STK17A: variants seen among roughly 807,000 people sequenced by gnomAD.
STK17A encodes the protein serine/threonine kinase 17a.
Under a neutral mutation model 43.7 loss-of-function variants are expected in STK17A, and 26 were observed. That is an observed-to-expected ratio of 0.60 (90% CI 0.44 to 0.83). The LOEUF (loss-of-function observed/expected upper bound fraction) is 0.83. Ranked by LOEUF, STK17A falls within the 40% of genes least tolerant of loss-of-function variation. The pLI, the probability that STK17A is intolerant of heterozygous loss-of-function variation, is 0.00. For synonymous variants in STK17A, 191 were observed against 182.5 expected, an observed-to-expected ratio of 1.05 and a Z score of -0.38; for missense variants, 476 against 511.6, an observed-to-expected ratio of 0.93 and a Z score of 0.67.
In STK17A at chr7:43,624,784, A is replaced by G. The variant is rs1314364327; in HGVS notation, c.1187A>G (p.Lys396Arg). 6.2e-7 allele frequency: 1 copy of G among 1,611,922 alleles called. No individual in the cohort carries two copies. The stretch of plus-strand genomic sequence containing the variant: ...AAAATGGAGCAAAAGGCCATTTCCA[A>G]ACGATTTAAATTTGAGGAACCTTTG... ...KEKMEQKAIS[K>R]RFKFEEPLLQ... The change falls in exon 7 of 7, where the codon AAA becomes AGA. Residue 396 changes from lysine (K) to arginine (R), a missense_variant. Transcript: ENST00000319357.
chr7:43,625,053 A>G lies in STK17A; in HGVS notation c.*211A>G, dbSNP rs1319422767. On this transcript the variant is annotated 3_prime_UTR_variant, in exon 7 of 7. Transcript: ENST00000319357. ...TTTAACAGGTACAGTTACCCGTTTC[A>G]ATGTTATTTTTAAGAAGGGAGATGT... The G allele has an allele frequency of 2.6e-6, 1 of 380,494 alleles. No individual in the cohort carries two copies. Among genetic ancestry groups the G allele is most frequent in the African/African-American group, 2.1e-5 (1 of 48,124 alleles). 23.6% of individuals were successfully genotyped at this position (380,494 alleles called of 1,614,324 possible).
chr7:43,584,048 C>T (rs567393945), intron 1 of STK17A, among the ~76,000 whole-genome samples: 2 of 152,230 alleles, frequency 1.3e-5, no homozygotes, highest in East Asian at 3.9e-4. Context: ...TTCGTGGGCG[C>T]TTGGCCCTTT....
intron 2 of STK17A, among the ~76,000 whole-genome samples, chr7:43,607,927 A>G (rs1289115415): frequency 6.6e-6 from 1 of 152,166 alleles, no homozygotes; most frequent in East Asian, 1.9e-4. Flanking sequence ...ATCTTGAGCT[A>G]CTTGGAACTG....
intron 4 of STK17A, among the ~76,000 whole-genome samples, chr7:43,621,475 T>C (rs901250339): frequency 1.3e-5 from 2 of 152,198 alleles, no homozygotes; most frequent in African/African-American, 2.4e-5. Flanking sequence ...TGTTTTGTTT[T>C]AATGCTTTCT....
At chr7:43,589,910 AT>A (rs1325767577) in intron 1 of STK17A, among the ~76,000 whole-genome samples, 1 of 147,566 alleles carries the variant, frequency 6.8e-6, no homozygotes, top group East Asian at 1.9e-4. Context: ...TTATAATTTT[AT>A]TTTAATTTTA....
intron 3 of STK17A, among the ~76,000 whole-genome samples, chr7:43,611,165 T>C (rs1346399055): frequency 3.9e-5 from 6 of 152,236 alleles, no homozygotes; most frequent in Non-Finnish European, 7.3e-5. Context: ...GGTTGACTTC[T>C]ACAGCAAACT....
chr7:43,593,654 AT>A (rs2082494231), intron 1 of STK17A, among the ~76,000 whole-genome samples: 1 of 150,328 alleles, frequency 6.7e-6, no homozygotes, highest in Admixed American at 6.6e-5. Context: ...ACATTTTTTA[AT>A]GTGTTTGTTT....
At chr7:43,585,915 T>A (rs773450725) in intron 1 of STK17A, among the ~76,000 whole-genome samples, 11 of 151,622 alleles carry the variant, frequency 7.3e-5, no homozygotes, top group Non-Finnish European at 1.5e-4. Flanking sequence ...AGTAATGAAG[T>A]CACAGGAACT....
At chr7:43,606,051 T>C (rs1211234568) in intron 2 of STK17A, among the ~76,000 whole-genome samples, 8 of 152,034 alleles carry the variant, frequency 5.3e-5, no homozygotes. Flanking sequence ...AATTAATTGC[T>C]CAATTGCTAA....
intron 3 of STK17A, among the ~76,000 whole-genome samples, chr7:43,610,434 G>C (rs1368130483): frequency 1.3e-5 from 2 of 150,626 alleles, no homozygotes; most frequent in African/African-American, 4.9e-5. Context: ...GGGAGGCCGA[G>C]CCAGGCAGAT....
In STK17A at chr7:43,615,709, C is replaced by T. The variant is rs139756659; in HGVS notation, c.565-3888C>T. Among the ~76,000 whole-genome samples the T allele has an allele frequency of 8.7e-4, 133 of 152,260 alleles. 1 individual carries two copies. In the East Asian group the frequency reaches 0.021, roughly 25 times the overall value. On this transcript the variant is annotated intron_variant, in intron 3 of 6. Coordinates refer to ENST00000319357, the MANE Select transcript of STK17A (RefSeq NM_004760.3). ...AACCTCATGCCTCCCACCACTCGTA[C>T]CCCTTTTGCCTTGTGCTGTCGTCCA... is the stretch of plus-strand genomic sequence containing the variant.
At chr7:43,589,336 A>C (rs934081217) in intron 1 of STK17A, among the ~76,000 whole-genome samples, 1 of 151,476 alleles carries the variant, frequency 6.6e-6, no homozygotes, top group African/African-American at 2.4e-5. Context: ...GATTGACATA[A>C]ATATAATAAA....
intron 3 of STK17A, chr7:43,608,650 C>A: frequency 3.2e-6 from 1 of 315,526 alleles, no homozygotes; most frequent in South Asian, 9.1e-5. Context: ...TAAGACAGAA[C>A]TTGAGCTAGA....
At chr7:43,622,399 T>C (rs2083994717) in intron 4 of STK17A, 1 of 152,230 alleles carries the variant, frequency 6.6e-6, no homozygotes, top group South Asian at 2.1e-4. Context: ...ATACATGACC[T>C]TGAGTATTTC....
At chr7:43,618,487 C>T (rs1345976483) in intron 3 of STK17A, among the ~76,000 whole-genome samples, 1 of 152,094 alleles carries the variant, frequency 6.6e-6, no homozygotes. Context: ...AGCAGGGGCC[C>T]AATCTTAAAA....
At chr7:43,586,496 G>A (rs879558327) in intron 1 of STK17A, among the ~76,000 whole-genome samples, 1 of 151,418 alleles carries the variant, frequency 6.6e-6, no homozygotes, top group Non-Finnish European at 1.5e-5. Flanking sequence ...ACTGGTTAAG[G>A]CTTGTTACCT....
At chr7:43,595,821 G>A (rs2082511162) in intron 1 of STK17A, 80 bp from the exon 2 acceptor site, 1 of 1,332,610 alleles carries the variant, frequency 7.5e-7, no homozygotes, top group Non-Finnish European at 1.0e-6. Flanking sequence ...TCTACCAATG[G>A]GTATTTGGAA....
intron 4 of STK17A, chr7:43,623,332 A>G (rs2084120086): frequency 2.3e-6 from 1 of 431,226 alleles, no homozygotes; most frequent in East Asian, 4.4e-5. Flanking sequence ...AAATATTTAA[A>G]TATTTTGTAA....
chr7:43,614,030 C>G (rs1384208803), intron 3 of STK17A, among the ~76,000 whole-genome samples: 1 of 152,190 alleles, frequency 6.6e-6, no homozygotes, highest in Non-Finnish European at 1.5e-5. Context: ...TTTCTCTACT[C>G]TAACCTGGGT....
Sources: allele counts gnomAD v4.1 joint callset (sites outside exome capture counted in the v4.1 genomes callset), GRCh38; gene constraint gnomAD v4.1.1; transcripts MANE v1.5; gene names NCBI Gene and HGNC (gene_info 2026-07-23, HGNC 2026-07-21).